BTD: variants seen among roughly 807,000 people sequenced by gnomAD.
The protein encoded by BTD is biotinidase, also known as biocytinase.
BTD carries 13 observed loss-of-function variants against 17.7 expected under a neutral mutation model. That is an observed-to-expected ratio of 0.74 (90% CI 0.48 to 1.17). The LOEUF (loss-of-function observed/expected upper bound fraction) is 1.17. Among genes scored for constraint, BTD ranks in the 50% most tolerant of loss-of-function variants. The probability of loss-of-function intolerance (pLI) is 0.00; values close to 1 mark genes in which losing one functional copy is unlikely to be tolerated. For missense variants in BTD, 674 were observed against 650.4 expected, an observed-to-expected ratio of 1.04 and a Z score of -0.39; for synonymous variants, 240 against 245.2, an observed-to-expected ratio of 0.98 and a Z score of 0.20.
Position 15,633,658 on chromosome 3 carries a change from G to A in BTD, c.-16-1766G>A, listed in dbSNP as rs528206109. ...GGCACTCCTCACTTGCCCCCACTGG[G>A]GACTGGTTCATACCCTCCTCTCCTG... is the stretch of plus-strand genomic sequence containing the variant. On this transcript the variant is annotated intron_variant, in intron 1 of 3. Transcript: ENST00000643237. Among the ~76,000 whole-genome samples, 15 of 152,200 alleles carry A rather than the reference G, an allele frequency of 9.9e-5. No homozygotes were observed. In the South Asian group the frequency reaches 3.1e-3, roughly 32 times the overall value.
intron 3 of BTD, among the ~76,000 whole-genome samples, chr3:15,709,201 A>G (rs369723081): frequency 2.6e-5 from 4 of 152,290 alleles, no homozygotes; most frequent in South Asian, 4.1e-4. Context: ...ATAGAAGAGG[A>G]GAAAGAAAAA....
chr3:15,687,284 T>G (rs530808863), intron 3 of BTD, among the ~76,000 whole-genome samples: 120 of 152,236 alleles, frequency 7.9e-4, no homozygotes, highest in African/African-American at 2.8e-3. Context: ...CCCCTTAAGC[T>G]ATTTTCAGTA....
At chr3:15,670,352 C>T (rs1232972286) in intron 3 of BTD, 1 of 1,613,260 alleles carries the variant, frequency 6.2e-7, no homozygotes, top group Non-Finnish European at 8.5e-7. Context: ...GTTATTGAAA[C>T]TGCAATAGGA....
At chr3:15,690,368 T>A in intron 3 of BTD, 1 of 667,968 alleles carries the variant, frequency 1.5e-6, no homozygotes, top group Non-Finnish European at 2.5e-6. Flanking sequence ...TTCAGGAAGT[T>A]AACTACAGAT....
chr3:15,661,815 ATCTGTG>A (rs1027675535), intron 3 of BTD, among the ~76,000 whole-genome samples: 1 of 152,184 alleles, frequency 6.6e-6, no homozygotes, highest in African/African-American at 2.4e-5. Context: ...AGGATGTAAG[ATCTGTG>A]TCTAGATTCA....
rs529028434 is a variant in BTD, at chr3:15,686,014, C to G, written c.400-24046C>G. The G allele has an allele frequency of 1.5e-5, 24 of 1,613,346 alleles. No homozygotes were observed. The African/African-American group carries it at 2.7e-4, about 18-fold the overall frequency. On this transcript the variant is annotated intron_variant, in intron 3 of 3. Coordinates refer to the BTD transcript ENST00000672141. ...TATTTCTGCTTACCCCTCTATGCAA[C>G]GCTGTCCTTCCCCACTTATCTTTGG...
Position 15,650,279 on chromosome 3 carries a change from A to G in BTD, c.*4791A>G, listed in dbSNP as rs773065124. On this transcript the variant is annotated 3_prime_UTR_variant, in exon 4 of 4. Transcript: ENST00000643237. The stretch of plus-strand genomic sequence containing the variant: ...GGAAAGTTTTTTTATTTTTGTGTTC[A>G]GTACTGAAGTAAAACAAAAATCTGA... Among the ~76,000 whole-genome samples, 1 of 152,258 alleles carries G rather than the reference A, an allele frequency of 6.6e-6. No individual in the cohort carries two copies. The highest frequency in any genetic ancestry group is 1.5e-5 in the Non-Finnish European group (1 of 68,038).
At chr3:15,679,135 C>CTTTTTT (rs71809219) in intron 3 of BTD, among the ~76,000 whole-genome samples, 1 of 143,982 alleles carries the variant, frequency 6.9e-6, no homozygotes, top group Non-Finnish European at 1.5e-5. Context: ...TCATCATGCA[C>CTTTTTT]TTTTTTTTTT....
rs587783006 is a variant in BTD, at chr3:15,644,754, A to C, written c.838A>C (p.Asn280His). 6.2e-7 allele frequency: 1 copy of C among 1,614,198 alleles called. No individual in the cohort carries two copies. Among genetic ancestry groups the C allele is most frequent in the Non-Finnish European group, 8.5e-7 (1 of 1,180,050 alleles). The change falls in exon 4 of 4, where the codon AAT becomes CAT. Residue 280 changes from asparagine to histidine, a missense_variant. Physicochemically the swap from Asn to His is moderately conservative, Grantham distance 68. Transcript: ENST00000643237. ...VAFGINVLAANVHHPVLGMTG... is the reference protein window; with the variant it reads ...VAFGINVLAAHVHHPVLGMTG... Reference sequence around the variant, plus strand: ...CTTTGGCATCAACGTTCTGGCAGCTAATGTCCACCACCCAGTTCTGGGGAT... The same window carrying C: ...CTTTGGCATCAACGTTCTGGCAGCTCATGTCCACCACCCAGTTCTGGGGAT...
chr3:15,708,573 T>C (rs77735225), intron 3 of BTD, among the ~76,000 whole-genome samples: 1,848 of 152,302 alleles, frequency 0.012, 17 homozygotes, highest in Middle Eastern at 0.031. Context: ...CCCTCTCTGT[T>C]ATTTGTAGTA....
chr3:15,667,989 A>C (rs2066068983), intron 3 of BTD: 1 of 152,240 alleles, frequency 6.6e-6, no homozygotes, highest in East Asian at 1.9e-4. Flanking sequence ...AAGAGAAGAC[A>C]TGGCAGAATG....
downstream of BTD, among the ~76,000 whole-genome samples, chr3:15,716,212 C>T (rs2073011938): frequency 6.6e-6 from 1 of 151,330 alleles, no homozygotes; most frequent in South Asian, 2.1e-4. Context: ...GAACTCAAGA[C>T]CTCAAGTAAT....
At chr3:15,661,315 C>T (rs576220899) in intron 3 of BTD, among the ~76,000 whole-genome samples, 35 of 150,984 alleles carry the variant, frequency 2.3e-4, no homozygotes, top group African/African-American at 7.6e-4. Flanking sequence ...AGAGCTCCTC[C>T]ACATCCACAC....
chr3:15,636,318 C>T (rs558095351), intron 2 of BTD, among the ~76,000 whole-genome samples: 25 of 152,314 alleles, frequency 1.6e-4, no homozygotes, highest in Middle Eastern at 3.4e-3. Context: ...CTGAGACCTT[C>T]GCCCAGATAG....
At chr3:15,714,687 T>C (rs1452234171), downstream of BTD, 3 of 1,489,484 alleles carry the variant, frequency 2.0e-6, no homozygotes, top group South Asian at 3.8e-5. Flanking sequence ...TTACTCACTC[T>C]ACTATATCCA....
At chr3:15,611,808 T>G (rs1441070597) in intron 1 of BTD, among the ~76,000 whole-genome samples, 2 of 151,974 alleles carry the variant, frequency 1.3e-5, no homozygotes, top group Non-Finnish European at 2.9e-5. Flanking sequence ...ATAATGTATT[T>G]TTTTTCTAGG....
Position 15,649,467 on chromosome 3 carries a change from G to A in BTD, c.*3979G>A, listed in dbSNP as rs1251440032. Among the ~76,000 whole-genome samples, 1 of 152,200 alleles carries A rather than the reference G, an allele frequency of 6.6e-6. No homozygotes were observed. The highest frequency in any genetic ancestry group is 2.4e-5 in the African/African-American group (1 of 41,460). ...CATCCTGCAGGTGGGCTGCCACTCTGCTCAATCCAAATCACAGCTCTCCCG... is the reference window on the plus strand; with the variant it reads ...CATCCTGCAGGTGGGCTGCCACTCTACTCAATCCAAATCACAGCTCTCCCG... On this transcript the variant is annotated 3_prime_UTR_variant, in exon 4 of 4. Coordinates refer to ENST00000643237, the MANE Select transcript of BTD (RefSeq NM_001370658.1).
intron 1 of BTD, among the ~76,000 whole-genome samples, chr3:15,617,443 T>A (rs2064826889): frequency 6.6e-6 from 1 of 151,228 alleles, no homozygotes; most frequent in Non-Finnish European, 1.5e-5. Flanking sequence ...TTGAGTTACT[T>A]CTTGTGAAGG....
downstream of BTD, among the ~76,000 whole-genome samples, chr3:15,654,292 C>A (rs1224351795): frequency 6.6e-6 from 1 of 152,052 alleles, no homozygotes; most frequent in Non-Finnish European, 1.5e-5. Context: ...GCTCTGCAGG[C>A]TGGGGGAAGA....
Sources: allele counts gnomAD v4.1 joint callset (sites outside exome capture counted in the v4.1 genomes callset), GRCh38; gene constraint gnomAD v4.1.1; transcripts MANE v1.5; gene names NCBI Gene and HGNC (gene_info 2026-07-23, HGNC 2026-07-21).